Variants in UMAD1 observed in about 807,000 individuals in gnomAD.
UMAD1 encodes UBAP1-MVB12-associated (UMA) domain containing 1.
Under a neutral mutation model 6.1 loss-of-function variants are expected in UMAD1, and 8 were observed. The observed-to-expected ratio is 1.30, with a 90% CI of 0.76 to 2.35. The LOEUF (loss-of-function observed/expected upper bound fraction) is 2.35, where lower values mean the gene tolerates loss of function less well. UMAD1 is among the 30% of genes most tolerant of loss of function. The pLI is 0.00. For synonymous variants in UMAD1, 56 were observed against 31.4 expected (o/e 1.78, Z -2.61); for missense variants, 130 against 78.4 (o/e 1.66, Z -2.49).
At chr7:7,825,952 A>G (rs187848893) in intron 3 of UMAD1, among the ~76,000 whole-genome samples, 159 of 152,332 alleles carry the variant, frequency 1.0e-3, no homozygotes, top group Middle Eastern at 6.8e-3. Context: ...TTCCTATACT[A>G]TAAGTCATCT....
At chr7:7,734,665 G>A (rs1238521625) in intron 2 of UMAD1, among the ~76,000 whole-genome samples, 7 of 152,130 alleles carry the variant, frequency 4.6e-5, no homozygotes, top group Admixed American at 4.6e-4. Context: ...GCCATATCAT[G>A]CTGAAACTAA....
At chr7:7,811,197 G>C (rs374456475) in intron 3 of UMAD1, among the ~76,000 whole-genome samples, 14 of 152,038 alleles carry the variant, frequency 9.2e-5, no homozygotes, top group African/African-American at 2.9e-4. Context: ...CTAGCTTTAT[G>C]ATAATTAGCT....
intron 2 of UMAD1, among the ~76,000 whole-genome samples, chr7:7,740,181 C>G (rs374420741): frequency 5.9e-5 from 9 of 152,174 alleles, no homozygotes; most frequent in African/African-American, 2.2e-4. Context: ...CTTCCTTTCC[C>G]CCTTTCTCTT....
chr7:7,755,039 C>G (rs1781751216), intron 2 of UMAD1, among the ~76,000 whole-genome samples: 1 of 152,154 alleles, frequency 6.6e-6, no homozygotes, highest in Non-Finnish European at 1.5e-5. Context: ...TCATGTCACT[C>G]CTTTGTTCAC....
At chr7:7,836,169 G>A (rs1209532638) in intron 3 of UMAD1, among the ~76,000 whole-genome samples, 1 of 151,904 alleles carries the variant, frequency 6.6e-6, no homozygotes, top group East Asian at 1.9e-4. Context: ...AATGCTTACT[G>A]TCAATTTGTG....
intron 3 of UMAD1, among the ~76,000 whole-genome samples, chr7:7,858,375 A>C (rs571336356): frequency 6.6e-6 from 1 of 152,306 alleles, no homozygotes; most frequent in South Asian, 2.1e-4. Context: ...CTGATTATCA[A>C]CTCACCTGCA....
In UMAD1 at chr7:7,718,790, C is replaced by T. The variant is rs967086873; in HGVS notation, c.82+45337C>T. ...ACCTTTCTTTTTTCTTTCTGACTCT[C>T]AGAAGCAATACCAGCATTAGCTTTA... On this transcript the variant is annotated intron_variant, in intron 2 of 3. Transcript: ENST00000682710. Among the ~76,000 whole-genome samples, 150 of 152,110 alleles carry T rather than the reference C, an allele frequency of 9.9e-4. 1 individual carries two copies. The highest frequency in any genetic ancestry group is 1.6e-3 in the Non-Finnish European group (111 of 68,032).
intron 2 of UMAD1, chr7:7,742,711 C>T (rs779492127): frequency 1.8e-4 from 43 of 232,562 alleles, no homozygotes; most frequent in Admixed American, 3.2e-4. Context: ...ATTTGAAATT[C>T]TGTATTTATT....
chr7:7,841,493 G>C (rs1783681368), intron 3 of UMAD1, among the ~76,000 whole-genome samples: 2 of 151,798 alleles, frequency 1.3e-5, no homozygotes. Flanking sequence ...TTGTAGAGTT[G>C]GGTTCTCCTT....
chr7:7,789,621 C>CG (rs1379319928), intron 2 of UMAD1, among the ~76,000 whole-genome samples: 3 of 132,984 alleles, frequency 2.3e-5, no homozygotes, highest in Admixed American at 7.3e-5. Context: ...ACCCCTTCTC[C>CG]CCTCCCCACA....
intron 3 of UMAD1, among the ~76,000 whole-genome samples, chr7:7,816,373 T>C (rs891540390): frequency 6.6e-6 from 1 of 152,242 alleles, no homozygotes; most frequent in African/African-American, 2.4e-5. Context: ...AATAACTATA[T>C]ATTGACTTCA....
At chr7:7,806,633 T>A in intron 3 of UMAD1, among the ~76,000 whole-genome samples, 1 of 152,196 alleles carries the variant, frequency 6.6e-6, no homozygotes, top group Admixed American at 6.5e-5. Flanking sequence ...CATAAAAAAA[T>A]TTTCTTGCAT....
At chr7:7,845,793 C>T (rs911770458) in intron 3 of UMAD1, among the ~76,000 whole-genome samples, 1 of 152,006 alleles carries the variant, frequency 6.6e-6, no homozygotes, top group East Asian at 1.9e-4. Flanking sequence ...TTCAAATTTC[C>T]TTGCACACTT....
intron 2 of UMAD1, among the ~76,000 whole-genome samples, chr7:7,707,031 A>C (rs1003917596): frequency 2.0e-5 from 3 of 152,166 alleles, no homozygotes; most frequent in Non-Finnish European, 2.9e-5. Flanking sequence ...AAACAGAAAC[A>C]TGACTGTGTC....
intron 2 of UMAD1, among the ~76,000 whole-genome samples, chr7:7,724,274 A>G (rs1441693024): frequency 6.6e-6 from 1 of 152,138 alleles, no homozygotes; most frequent in Admixed American, 6.6e-5. Flanking sequence ...TCCAGTTAAA[A>G]TAGGGCCTTA....
At chr7:7,716,636 T>C (rs1780911010) in intron 2 of UMAD1, among the ~76,000 whole-genome samples, 1 of 152,182 alleles carries the variant, frequency 6.6e-6, no homozygotes, top group Non-Finnish European at 1.5e-5. Flanking sequence ...CCCATCTGCC[T>C]AGTAAAAGAT....
chr7:7,733,836 A>G (rs993500509), intron 2 of UMAD1, among the ~76,000 whole-genome samples: 1 of 151,852 alleles, frequency 6.6e-6, no homozygotes, highest in Non-Finnish European at 1.5e-5. Context: ...GATTTCCCAC[A>G]TATTTTTAAA....
intron 2 of UMAD1, among the ~76,000 whole-genome samples, chr7:7,743,735 A>G (rs573444786): frequency 6.6e-6 from 1 of 151,412 alleles, no homozygotes; most frequent in East Asian, 1.9e-4. Flanking sequence ...TATATTTTCC[A>G]TTCTGCACTT....
chr7:7,761,128 G>A (rs1781881077), intron 2 of UMAD1, among the ~76,000 whole-genome samples: 1 of 152,118 alleles, frequency 6.6e-6, no homozygotes, highest in African/African-American at 2.4e-5. Context: ...ACTTTGGGAG[G>A]CCAAGGTGGG....
Sources: allele counts gnomAD v4.1 joint callset (sites outside exome capture counted in the v4.1 genomes callset), GRCh38; gene constraint gnomAD v4.1.1; transcripts MANE v1.5; gene names NCBI Gene and HGNC (gene_info 2026-07-23, HGNC 2026-07-21).